The following PTPRA variants were observed in gnomAD, a reference collection of about 807,000 sequenced individuals.
The protein encoded by PTPRA is protein tyrosine phosphatase receptor type A, also known as receptor-type tyrosine-protein phosphatase alpha.
In PTPRA, 25 loss-of-function variants were observed where a neutral mutation model predicts 104.8. The observed-to-expected ratio is 0.24, with a 90% CI of 0.17 to 0.33. The LOEUF (loss-of-function observed/expected upper bound fraction) is 0.33. Among genes scored for constraint, PTPRA ranks in the 10% least tolerant of loss-of-function variants. The pLI is 1.00. For synonymous variants in PTPRA, 323 were observed against 368.9 expected, an observed-to-expected ratio of 0.88 and a Z score of 1.43; for missense variants, 765 against 1,015.3, an observed-to-expected ratio of 0.75 and a Z score of 3.35.
At chr20:3,012,132 T>C (rs771889469) in intron 11 of PTPRA, among the ~76,000 whole-genome samples, 25 of 152,158 alleles carry the variant, frequency 1.6e-4, no homozygotes, top group Non-Finnish European at 8.8e-5. Flanking sequence ...CACCTAATAG[T>C]GTCTGCCAGT....
At chr20:2,909,812 T>G in intron 1 of PTPRA, among the ~76,000 whole-genome samples, 1 of 127,414 alleles carries the variant, frequency 7.8e-6, no homozygotes, top group South Asian at 2.3e-4. Context: ...ATATATAATA[T>G]AAGATAATAT....
Position 3,038,518 on chromosome 20 carries a change from C to T in PTPRA, c.*385C>T, listed in dbSNP as rs761191523. 52 of 263,602 alleles carry T rather than the reference C, an allele frequency of 2.0e-4. No individual in the cohort carries two copies. The highest frequency in any genetic ancestry group is 3.3e-4 in the Non-Finnish European group (45 of 135,568). 16.3% of individuals were successfully genotyped at this position (263,602 alleles called of 1,614,324 possible). ...GAGCTCTCGAGGAAAGTGGTTGTCC[C>T]CGTACCACCATGCACTGTAAATATC... On this transcript the variant is annotated 3_prime_UTR_variant, in exon 24 of 24. Transcript: ENST00000399903.
At chr20:2,948,755 T>C (rs918851930) in intron 3 of PTPRA, among the ~76,000 whole-genome samples, 8 of 151,856 alleles carry the variant, frequency 5.3e-5, no homozygotes, top group Middle Eastern at 3.5e-3. Context: ...ATCAAGACCA[T>C]CCTGGCTAAC....
intron 1 of PTPRA, among the ~76,000 whole-genome samples, chr20:2,881,163 C>T (rs1391496720): frequency 1.3e-5 from 2 of 150,884 alleles, no homozygotes; most frequent in Non-Finnish European, 2.9e-5. Flanking sequence ...AAGAATTCGC[C>T]GGGCGTGGTG....
At chr20:2,924,975 G>A (rs373098009) in intron 2 of PTPRA, among the ~76,000 whole-genome samples, 14 of 152,046 alleles carry the variant, frequency 9.2e-5, no homozygotes, top group South Asian at 2.1e-4. Context: ...CACCGCGCCC[G>A]GCCTGAAAAG....
intron 1 of PTPRA, among the ~76,000 whole-genome samples, chr20:2,912,685 C>T (rs1044946383): frequency 6.6e-6 from 1 of 151,946 alleles, no homozygotes; most frequent in Non-Finnish European, 1.5e-5. Context: ...TTTTTCGTGA[C>T]CAAACTGCTA....
chr20:3,033,546 T>G (rs900869095), intron 20 of PTPRA, among the ~76,000 whole-genome samples: 4 of 151,988 alleles, frequency 2.6e-5, no homozygotes, highest in South Asian at 4.1e-4. Flanking sequence ...CACTTTTAGT[T>G]TTTCAAATGG....
chr20:2,875,876 G>C (rs548353446), intron 1 of PTPRA, among the ~76,000 whole-genome samples: 17 of 152,230 alleles, frequency 1.1e-4, no homozygotes, highest in African/African-American at 4.1e-4. Flanking sequence ...CCTGGGACGG[G>C]GGGGCCTTCG....
At chr20:2,898,132 C>T (rs1269873933) in intron 1 of PTPRA, among the ~76,000 whole-genome samples, 3 of 150,110 alleles carry the variant, frequency 2.0e-5, no homozygotes, top group Non-Finnish European at 3.0e-5. Context: ...AGTCTTGCTC[C>T]GTCGCCCAGG....
intron 20 of PTPRA, among the ~76,000 whole-genome samples, chr20:3,030,186 G>C (rs936904219): frequency 6.6e-6 from 1 of 152,202 alleles, no homozygotes; most frequent in South Asian, 2.1e-4. Flanking sequence ...TCAGATGCAG[G>C]CTCTTCCATC....
chr20:2,889,277 T>C (rs2058708922), intron 1 of PTPRA, among the ~76,000 whole-genome samples: 1 of 152,204 alleles, frequency 6.6e-6, no homozygotes, highest in South Asian at 2.1e-4. Context: ...GTCAATTAAG[T>C]TAATATAAAT....
rs1175639074 is a variant in PTPRA at position 3,038,284 on chromosome 20, A to G, written c.*151A>G. 1 of 664,392 alleles carries G rather than the reference A, an allele frequency of 1.5e-6. No individual in the cohort carries two copies. The highest frequency in any genetic ancestry group is 1.8e-5 in the African/African-American group (1 of 54,844). 41.2% of individuals were successfully genotyped at this position (664,392 alleles called of 1,614,324 possible). On this transcript the variant is annotated 3_prime_UTR_variant, in exon 24 of 24. Coordinates refer to ENST00000399903, the MANE Select transcript of PTPRA (RefSeq NM_001385305.1). ...ATTACCTATTAGGTGGAAATTTTAT[A>G]TGTAAATGTGTTAGCACTGATAGTC...
At chr20:3,027,867 GAGAGAC>G (rs2065223113) in intron 20 of PTPRA, 26 bp downstream of exon 20, 1 of 1,611,418 alleles carries the variant, frequency 6.2e-7, no homozygotes, top group African/African-American at 1.3e-5. Context: ...CCTGGGTGGT[GAGAGAC>G]AGAGACAGCA....
At chr20:2,960,873 T>G (rs967235615) in intron 3 of PTPRA, among the ~76,000 whole-genome samples, 2 of 151,928 alleles carry the variant, frequency 1.3e-5, no homozygotes, top group Non-Finnish European at 2.9e-5. Context: ...ACCAGTGATC[T>G]TTTACTGTCT....
intron 2 of PTPRA, among the ~76,000 whole-genome samples, chr20:2,939,255 A>T (rs184222991): frequency 7.9e-5 from 12 of 152,144 alleles, no homozygotes; most frequent in Non-Finnish European, 2.9e-5. Flanking sequence ...AGATTCAGAG[A>T]ATTCATTTCT....
At chr20:2,869,227 G>A (rs1258446046), upstream of PTPRA, among the ~76,000 whole-genome samples, 1 of 151,850 alleles carries the variant, frequency 6.6e-6, no homozygotes, top group African/African-American at 2.4e-5. Context: ...TCAATCCATC[G>A]TATTTTTCAT....
At chr20:2,957,438 G>A (rs1284928512) in intron 3 of PTPRA, among the ~76,000 whole-genome samples, 1 of 152,242 alleles carries the variant, frequency 6.6e-6, no homozygotes, top group East Asian at 1.9e-4. Flanking sequence ...GGAAGCAGCT[G>A]TTTTAGTGGA....
chr20:3,032,533 C>T (rs573176786), intron 20 of PTPRA, among the ~76,000 whole-genome samples: 16 of 152,154 alleles, frequency 1.1e-4, no homozygotes, highest in South Asian at 4.1e-4. Flanking sequence ...TTTGGGAGGC[C>T]AAGGTGGGCG....
At chr20:2,923,368 C>T in intron 2 of PTPRA, 83 bp downstream of exon 2, 1 of 996,852 alleles carries the variant, frequency 1.0e-6, no homozygotes, top group African/African-American at 1.7e-5. Context: ...CACATGCTTT[C>T]CTGCTTCATT....
Sources: allele counts gnomAD v4.1 joint callset (sites outside exome capture counted in the v4.1 genomes callset), GRCh38; gene constraint gnomAD v4.1.1; transcripts MANE v1.5; gene names NCBI Gene and HGNC (gene_info 2026-07-23, HGNC 2026-07-21).